The following BRF1 variants were observed in gnomAD, a reference collection of about 807,000 sequenced individuals.
BRF1 encodes the protein transcription factor IIIB 90 kDa subunit.
A neutral mutation model predicts 81.7 loss-of-function variants in BRF1; 59 were observed. That is an observed-to-expected ratio of 0.72 (90% CI 0.59 to 0.90). BRF1 has a LOEUF of 0.90. Among genes scored for constraint, BRF1 ranks in the 40% least tolerant of loss-of-function variants. BRF1 has a pLI of 0.00. For missense variants in BRF1, 1,050 were observed against 936.3 expected (o/e 1.12, Z -1.58); for synonymous variants, 491 against 395.6 (o/e 1.24, Z -2.86).
rs1429170368 is a variant in BRF1, at chr14:105,210,891, T to C, written c.1996+231A>G. ...GATCCGGGAACCTCGTGCTGCTGGCTGGGCGGCCCTCGTGGTGGGTACCTC... is the reference window on the plus strand; with the variant it reads ...GATCCGGGAACCTCGTGCTGCTGGCCGGGCGGCCCTCGTGGTGGGTACCTC... On this transcript the variant is annotated intron_variant, in intron 17 of 17. Coordinates refer to ENST00000547530, the MANE Select transcript of BRF1 (RefSeq NM_001519.4). This position sits in a 1 kb window ranked among gnomAD's most constrained non-coding sequence, Gnocchi z 4.7. Among the ~76,000 whole-genome samples, 1 of 152,180 alleles carries C rather than the reference T, an allele frequency of 6.6e-6. No individual in the cohort carries two copies. The highest frequency in any genetic ancestry group is 1.5e-5 in the Non-Finnish European group (1 of 68,042).
chr14:105,281,724 A>G (rs1027776216), intron 2 of BRF1, among the ~76,000 whole-genome samples: 1 of 151,970 alleles, frequency 6.6e-6, no homozygotes, highest in African/African-American at 2.4e-5. Flanking sequence ...TGAACCTAAA[A>G]TGCTCTAAAA....
chr14:105,211,559 G>C, intron 16 of BRF1: 1 of 508,946 alleles, frequency 2.0e-6, no homozygotes, highest in South Asian at 2.8e-5. Flanking sequence ...CCCAGTGCTC[G>C]GGGAGCATGC....
In BRF1 at chr14:105,220,060, G is replaced by A; in HGVS notation, c.1377+9C>T. 6.2e-7 allele frequency: 1 copy of A among 1,611,852 alleles called. No individual in the cohort carries two copies. Among genetic ancestry groups the A allele is most frequent in the Non-Finnish European group, 8.5e-7 (1 of 1,179,972 alleles). On this transcript the variant is annotated intron_variant, in intron 12 of 17. Transcript: ENST00000547530. Reference sequence around the variant, plus strand: ...CCAGCCCCTCTTGGGAAGGGGTGCTGCCACGTACCCTGTCAATCTCCAGGT... The same window carrying A: ...CCAGCCCCTCTTGGGAAGGGGTGCTACCACGTACCCTGTCAATCTCCAGGT...
At chr14:105,247,164 C>G in intron 5 of BRF1, 1 of 985,514 alleles carries the variant, frequency 1.0e-6, no homozygotes, top group Non-Finnish European at 1.2e-6. Flanking sequence ...GAAATCGCAG[C>G]TGTGGCCTCG....
intron 11 of BRF1, 122 bp downstream of exon 11, chr14:105,221,526 C>G (rs1489929561): frequency 1.4e-6 from 2 of 1,387,760 alleles, no homozygotes; most frequent in East Asian, 2.6e-5. Context: ...CCCAAGCCCA[C>G]CGCCCGAGAC....
At chr14:105,226,970 C>T (rs1367580832) in intron 7 of BRF1, 1 of 604,244 alleles carries the variant, frequency 1.7e-6, no homozygotes, top group Non-Finnish European at 2.7e-6. Flanking sequence ...AAAAATTAGC[C>T]ACGCATGGTG....
chr14:105,311,502 G>A (rs1018466266), intron 1 of BRF1, among the ~76,000 whole-genome samples: 1 of 151,998 alleles, frequency 6.6e-6, no homozygotes, highest in African/African-American at 2.4e-5. Context: ...GGATCTGTGC[G>A]CTTTGGCCTC....
intron 11 of BRF1, 78 bp downstream of exon 11, chr14:105,221,570 G>A (rs1056772888): frequency 1.7e-5 from 26 of 1,530,370 alleles, no homozygotes; most frequent in African/African-American, 1.4e-4. Flanking sequence ...GGCAGCATCC[G>A]GCTCTCCCCA....
chr14:105,211,285 G>C lies in BRF1; in HGVS notation c.1833C>G (p.Leu611=). 1.3e-6 allele frequency: 2 copies of C among 1,597,672 alleles called. No homozygotes were observed. Among genetic ancestry groups the C allele is most frequent in the East Asian group, 2.2e-5 (1 of 44,548 alleles). ...CAGCTCCGAGGGTGGGAGAGCTTGG[G>C]AGCAAAGCCTGGAACGAAGTGGGGC... ...AKKVATGEAL[L]PSSPTLGAEP... Residue 611 remains leucine, a synonymous_variant, in exon 17 of 18, where the codon CTC becomes CTG. Coordinates refer to ENST00000547530, the MANE Select transcript of BRF1 (RefSeq NM_001519.4).
intron 3 of BRF1, among the ~76,000 whole-genome samples, chr14:105,264,749 G>C (rs1481483040): frequency 6.6e-6 from 1 of 151,292 alleles, no homozygotes; most frequent in Non-Finnish European, 1.5e-5. Context: ...GCTGAGGTGA[G>C]AGGATTGCTC....
At chr14:105,305,193 G>C (rs587756943), upstream of BRF1, among the ~76,000 whole-genome samples, 5 of 152,142 alleles carry the variant, frequency 3.3e-5, no homozygotes, top group African/African-American at 9.6e-5. Context: ...TTGAGTCCAG[G>C]AGTTTGAGAC....
In BRF1 at chr14:105,226,724, C is replaced by T; in HGVS notation, c.825G>A (p.Leu275=). The change falls in exon 8 of 18, where the codon TTG becomes TTA. Residue 275 remains leucine, a synonymous_variant. Transcript: ENST00000547530. ...TEFEDTPTSQ[L]TIDEFMKIDL... Reference sequence around the variant, plus strand: ...CGATCTTCATGAACTCATCAATGGTCAACTGACTGGTGGGGGTGTCTTCAA... The same window carrying T: ...CGATCTTCATGAACTCATCAATGGTTAACTGACTGGTGGGGGTGTCTTCAA... The T allele has an allele frequency of 1.5e-5, 25 of 1,613,750 alleles. No homozygotes were observed. Among genetic ancestry groups the T allele is most frequent in the Non-Finnish European group, 2.0e-5 (24 of 1,180,022 alleles).
chr14:105,274,152 T>G (rs2056780164), intron 2 of BRF1, among the ~76,000 whole-genome samples: 1 of 152,238 alleles, frequency 6.6e-6, no homozygotes. Flanking sequence ...CTGGCCTATG[T>G]GCACATCCAG....
chr14:105,313,763 A>C (rs2058423007), intron 1 of BRF1, among the ~76,000 whole-genome samples: 1 of 152,258 alleles, frequency 6.6e-6, no homozygotes, highest in Non-Finnish European at 1.5e-5. Context: ...TGAAACAAGG[A>C]AACAGAAGAG....
chr14:105,226,492 C>T (rs868628626), intron 8 of BRF1, 142 bp downstream of exon 8: 36 of 1,498,830 alleles, frequency 2.4e-5, no homozygotes, highest in Non-Finnish European at 3.1e-5. Context: ...CCCGGAGCCT[C>T]GGGCTCTGGC....
chr14:105,257,496 T>C (rs587708003), intron 3 of BRF1, among the ~76,000 whole-genome samples: 1 of 152,174 alleles, frequency 6.6e-6, no homozygotes, highest in Non-Finnish European at 1.5e-5. Context: ...CCTAAGAAGG[T>C]GCCAGGGCTG....
intron 5 of BRF1, among the ~76,000 whole-genome samples, chr14:105,244,742 G>GA (rs35123396): frequency 1.3e-5 from 2 of 151,262 alleles, no homozygotes; most frequent in African/African-American, 4.9e-5. Context: ...GACTGATTAG[G>GA]AAAAAAAAGA....
rs746974212 is a variant in BRF1 at position 105,250,056 on chromosome 14, A to G, written c.544+2451T>C. The G allele has an allele frequency of 2.5e-6, 4 of 1,612,856 alleles. No individual in the cohort carries two copies. In the African/African-American group the frequency reaches 4.0e-5, roughly 16 times the overall value. On this transcript the variant is annotated intron_variant, in intron 5 of 17. Coordinates refer to ENST00000547530, the MANE Select transcript of BRF1 (RefSeq NM_001519.4). Reference sequence around the variant, plus strand: ...AGGCATGTTCTGGGGCGAGCCCTCTATCTGGTCCGAATTCCAACCATGACC... The same window carrying G: ...AGGCATGTTCTGGGGCGAGCCCTCTGTCTGGTCCGAATTCCAACCATGACC...
chr14:105,243,900 G>C (rs1170028323), intron 5 of BRF1, among the ~76,000 whole-genome samples: 1 of 151,724 alleles, frequency 6.6e-6, no homozygotes, highest in Non-Finnish European at 1.5e-5. Flanking sequence ...TAAGGAGGCT[G>C]AAACAGGAGA....
Sources: allele counts gnomAD v4.1 joint callset (sites outside exome capture counted in the v4.1 genomes callset), GRCh38; gene constraint gnomAD v4.1.1; non-coding constraint Gnocchi (gnomAD v3.1); transcripts MANE v1.5; gene names NCBI Gene and HGNC (gene_info 2026-07-23, HGNC 2026-07-21).